Variants in ZFAND3 observed in about 807,000 individuals in gnomAD.
ZFAND3 encodes AN1-type zinc finger protein 3.
In ZFAND3, 10 loss-of-function variants were observed where a neutral mutation model predicts 29.6. The ratio of observed to expected loss-of-function variants is 0.34; its 90% CI spans 0.21 to 0.57. ZFAND3 has a LOEUF of 0.57. ZFAND3 is among the 20% of genes least tolerant of loss of function. ZFAND3 has a pLI of 0.86. For synonymous variants in ZFAND3, 128 were observed against 112.6 expected (o/e 1.14, Z -0.87); for missense variants, 230 against 304.5 (o/e 0.76, Z 1.82).
chr6:38,071,807 G>A (rs1764459552), intron 3 of ZFAND3, among the ~76,000 whole-genome samples: 1 of 152,078 alleles, frequency 6.6e-6, no homozygotes, highest in African/African-American at 2.4e-5. Context: ...ACTTTGCTCT[G>A]TCCCAGAACA....
intron 2 of ZFAND3, among the ~76,000 whole-genome samples, chr6:38,035,960 G>A (rs2127453658): frequency 6.6e-6 from 1 of 152,260 alleles, no homozygotes; most frequent in Non-Finnish European, 1.5e-5. Flanking sequence ...AGACCTTGTG[G>A]CATTTGAGCC....
intron 2 of ZFAND3, among the ~76,000 whole-genome samples, chr6:37,960,963 T>C (rs1762184709): frequency 6.6e-6 from 1 of 152,098 alleles, no homozygotes; most frequent in Admixed American, 6.6e-5. Context: ...GATGTACCTA[T>C]AGTCAGGAGG....
At chr6:37,887,080 T>C (rs558418567) in intron 1 of ZFAND3, among the ~76,000 whole-genome samples, 159 of 152,360 alleles carry the variant, frequency 1.0e-3, no homozygotes, top group South Asian at 4.1e-3. Flanking sequence ...TAATGTATTA[T>C]CAATCTGAAA....
intron 3 of ZFAND3, among the ~76,000 whole-genome samples, chr6:38,071,684 T>G (rs1764457091): frequency 6.6e-6 from 1 of 152,272 alleles, no homozygotes; most frequent in South Asian, 2.1e-4. Context: ...TAAAGGAATA[T>G]AGTTTGTCTT....
intron 1 of ZFAND3, among the ~76,000 whole-genome samples, chr6:37,908,542 T>TAAAAAAAAAAAAAAAAAAAAAAAAA (rs70981504): frequency 1.3e-4 from 16 of 124,120 alleles, no homozygotes; most frequent in East Asian, 2.6e-4. Context: ...AAAAAAAAAT[T>TAAAAAAAAAAAAAAAAAAAAAAAAA]AAAAAAAAAA....
intron 5 of ZFAND3, among the ~76,000 whole-genome samples, chr6:38,141,012 C>T (rs551111017): frequency 2.9e-4 from 39 of 135,580 alleles, no homozygotes; most frequent in Admixed American, 8.3e-4. Context: ...AGTCTTATAA[C>T]AGTGGACAGC....
chr6:37,835,529 C>T (rs1294967097), intron 1 of ZFAND3, among the ~76,000 whole-genome samples: 1 of 146,562 alleles, frequency 6.8e-6, no homozygotes, highest in Admixed American at 6.9e-5. Flanking sequence ...TGTACATGTA[C>T]TGTATGGTTT....
chr6:37,971,978 A>AAAAATAAAAT (rs753109857), intron 2 of ZFAND3, among the ~76,000 whole-genome samples: 6 of 152,222 alleles, frequency 3.9e-5, no homozygotes, highest in African/African-American at 1.4e-4. Flanking sequence ...CTGTCTCAAA[A>AAAAATAAAAT]AAAATAAAAT....
intron 5 of ZFAND3, among the ~76,000 whole-genome samples, chr6:38,120,459 G>A (rs559131623): frequency 2.0e-5 from 3 of 150,398 alleles, no homozygotes; most frequent in Non-Finnish European, 4.4e-5. Flanking sequence ...CCTAGTAGCT[G>A]GGACTACAGG....
chr6:38,001,142 A>G (rs1762940727), intron 2 of ZFAND3, among the ~76,000 whole-genome samples: 2 of 152,086 alleles, frequency 1.3e-5, no homozygotes, highest in African/African-American at 4.8e-5. Context: ...CTTCAAAATA[A>G]CTCTGACCAC....
intron 2 of ZFAND3, among the ~76,000 whole-genome samples, chr6:37,933,883 A>ATTTTT (rs58837762): frequency 4.3e-5 from 5 of 116,506 alleles, no homozygotes; most frequent in South Asian, 2.9e-4. Flanking sequence ...TCTCTCTCTC[A>ATTTTT]TTTTTTTTTT....
At chr6:38,004,006 A>G (rs1375091141) in intron 2 of ZFAND3, among the ~76,000 whole-genome samples, 2 of 152,044 alleles carry the variant, frequency 1.3e-5, no homozygotes, top group African/African-American at 2.4e-5. Context: ...TTTCTCATTA[A>G]TGTTGTTATC....
intron 2 of ZFAND3, among the ~76,000 whole-genome samples, chr6:38,029,349 C>T (rs1474192366): frequency 6.6e-6 from 1 of 152,142 alleles, no homozygotes; most frequent in African/African-American, 2.4e-5. Context: ...AATAGCTATT[C>T]TGATTTTCGT....
chr6:37,998,266 C>T (rs1037390918), intron 2 of ZFAND3, among the ~76,000 whole-genome samples: 45 of 152,156 alleles, frequency 3.0e-4, no homozygotes, highest in African/African-American at 9.9e-4. Flanking sequence ...AGTGATAGTA[C>T]AGAGATCAGT....
At chr6:38,125,228 T>A (rs1765612859) in intron 5 of ZFAND3, among the ~76,000 whole-genome samples, 1 of 152,236 alleles carries the variant, frequency 6.6e-6, no homozygotes, top group South Asian at 2.1e-4. Flanking sequence ...ATTTAATCTT[T>A]GATGTGTAAG....
At chr6:37,853,963 A>G (rs1279989672) in intron 1 of ZFAND3, among the ~76,000 whole-genome samples, 1 of 151,662 alleles carries the variant, frequency 6.6e-6, no homozygotes, top group Non-Finnish European at 1.5e-5. Flanking sequence ...TTTTTTTTTT[A>G]TTTTTTAGAT....
intron 5 of ZFAND3, among the ~76,000 whole-genome samples, chr6:38,130,358 A>T (rs1027497843): frequency 1.3e-5 from 2 of 152,140 alleles, no homozygotes; most frequent in Non-Finnish European, 2.9e-5. Flanking sequence ...GTTGAAGAGG[A>T]GTGGTGACAG....
At chr6:38,097,133 T>A (rs972776944) in intron 4 of ZFAND3, among the ~76,000 whole-genome samples, 3 of 152,148 alleles carry the variant, frequency 2.0e-5, no homozygotes, top group Non-Finnish European at 1.5e-5. Flanking sequence ...TGGAGTGCAG[T>A]GGCGTGATCA....
At chr6:38,096,877 A>T (rs1243406829) in intron 4 of ZFAND3, among the ~76,000 whole-genome samples, 1 of 151,936 alleles carries the variant, frequency 6.6e-6, no homozygotes, top group Non-Finnish European at 1.5e-5. Context: ...TAATAATTCC[A>T]TGGTAATGTC....
Sources: allele counts gnomAD v4.1 joint callset (sites outside exome capture counted in the v4.1 genomes callset), GRCh38; gene constraint gnomAD v4.1.1; transcripts MANE v1.5; gene names NCBI Gene and HGNC (gene_info 2026-07-23, HGNC 2026-07-21).